The following ZNF362 variants were observed in gnomAD, a reference collection of about 807,000 sequenced individuals.
ZNF362 encodes rotund homolog.
A neutral mutation model predicts 42.9 loss-of-function variants in ZNF362; 11 were observed. The observed-to-expected ratio is 0.26, with a 90% CI of 0.16 to 0.42. The LOEUF is 0.42. Ranked by LOEUF, ZNF362 falls within the 20% of genes least tolerant of loss-of-function variation. ZNF362 has a pLI of 1.00. For synonymous variants in ZNF362, 255 were observed against 257.3 expected (o/e 0.99, Z 0.09); for missense variants, 362 against 576.2 (o/e 0.63, Z 3.81).
chr1:33,181,054 C>G, the ZNF362 span: 4 of 1,596,446 alleles, frequency 2.5e-6, no homozygotes, highest in African/African-American at 1.3e-5. The surrounding 1 kb of genome is among the most constrained non-coding windows in gnomAD (Gnocchi z 6.5). Flanking sequence ...TCGTCGATGC[C>G]GGTGACCTGA....
chr1:33,157,793 G>A, the ZNF362 span, among the ~76,000 whole-genome samples: 1 of 150,148 alleles, frequency 6.7e-6, no homozygotes. Context: ...GTCTTGCTCT[G>A]TTGCCCAGGC....
At chr1:33,148,992 G>A in the ZNF362 span, among the ~76,000 whole-genome samples, 1 of 152,004 alleles carries the variant, frequency 6.6e-6, no homozygotes, top group Non-Finnish European at 1.5e-5. Context: ...CCCCACTTAG[G>A]TCCAAAGCCT....
chr1:33,265,594 G>T (rs1021975438), intron 1 of ZNF362, among the ~76,000 whole-genome samples: 25 of 152,074 alleles, frequency 1.6e-4, no homozygotes, highest in African/African-American at 5.6e-4. Context: ...AGTGGCTGGG[G>T]CTCAGGGTTC....
intron 1 of ZNF362, among the ~76,000 whole-genome samples, chr1:33,257,545 G>T (rs1254241825): frequency 6.6e-6 from 1 of 151,720 alleles, no homozygotes; most frequent in African/African-American, 2.4e-5. Context: ...TTTCCTCAGA[G>T]CTGCGCGGGA....
chr1:33,246,404 T>C, the ZNF362 span, among the ~76,000 whole-genome samples: 4 of 152,142 alleles, frequency 2.6e-5, no homozygotes, highest in Non-Finnish European at 5.9e-5. Flanking sequence ...TGTGACCCGC[T>C]GGTCCCCACC....
chr1:33,165,450 C>T, the ZNF362 span: 1 of 1,567,428 alleles, frequency 6.4e-7, no homozygotes, highest in East Asian at 2.4e-5. This position sits in a 1 kb window ranked among gnomAD's most constrained non-coding sequence, Gnocchi z 4.0. Context: ...GGCCCCACCT[C>T]CGCGCCCCGG....
the ZNF362 span, among the ~76,000 whole-genome samples, chr1:33,247,277 A>G: frequency 1.3e-5 from 2 of 152,264 alleles, no homozygotes; most frequent in African/African-American, 4.8e-5. Context: ...GGGCAGGTCA[A>G]GTATTGACTT....
chr1:33,189,842 C>T, the ZNF362 span, among the ~76,000 whole-genome samples: 26 of 151,300 alleles, frequency 1.7e-4, no homozygotes, highest in Non-Finnish European at 1.2e-4. Context: ...GCTGAGTTTA[C>T]TAATCCCAAT....
At position 33,296,557 on chromosome 1, in the gene ZNF362, G is replaced by T. The variant is rs576881591; in HGVS notation, c.1146+1252G>T. Among the ~76,000 whole-genome samples the T allele has an allele frequency of 4.6e-5, 7 of 152,328 alleles. No homozygotes were observed. In the South Asian group the frequency reaches 8.3e-4, roughly 18 times the overall value. On this transcript the variant is annotated intron_variant, in intron 8 of 8. Transcript: ENST00000539719. ...CAGCAGGGAGGACACAATGGAGCTG[G>T]GAAGGGGGATGAGTCCAGATTGACC...
chr1:33,242,507 A>G, the ZNF362 span, among the ~76,000 whole-genome samples: 3 of 152,182 alleles, frequency 2.0e-5, no homozygotes, highest in African/African-American at 4.8e-5. Flanking sequence ...TAATTTGTCA[A>G]TAATACATAA....
the ZNF362 span, among the ~76,000 whole-genome samples, chr1:33,220,516 C>T: frequency 0.18 from 26,651 of 151,916 alleles, 2,711 homozygotes; most frequent in East Asian, 0.31. Context: ...TTCCTTCAAA[C>T]CCACCCCCCT....
chr1:33,223,893 C>CAAAAAAAA, the ZNF362 span, among the ~76,000 whole-genome samples: 1 of 85,438 alleles, frequency 1.2e-5, no homozygotes. Context: ...AACTCCATCT[C>CAAAAAAAA]AAAAAAAAAA....
At chr1:33,180,824 C>G in the ZNF362 span, among the ~76,000 whole-genome samples, 1 of 151,350 alleles carries the variant, frequency 6.6e-6, no homozygotes, top group Non-Finnish European at 1.5e-5. Context: ...CCCAAGGCCC[C>G]GCCCCCACGG....
At chr1:33,141,181 C>T in the ZNF362 span, among the ~76,000 whole-genome samples, 2 of 152,010 alleles carry the variant, frequency 1.3e-5, no homozygotes, top group East Asian at 3.9e-4. Context: ...CTTCTCCTCT[C>T]GGAGGAGCTG....
the ZNF362 span, among the ~76,000 whole-genome samples, chr1:33,172,983 A>T: frequency 6.6e-6 from 1 of 152,162 alleles, no homozygotes; most frequent in Non-Finnish European, 1.5e-5. Context: ...GCTGCACACA[A>T]TAGGTGCTCA....
upstream of ZNF362, among the ~76,000 whole-genome samples, chr1:33,256,298 G>C (rs1027064377): frequency 2.2e-4 from 31 of 142,868 alleles, no homozygotes; most frequent in Non-Finnish European, 4.2e-4. Flanking sequence ...AGTCGCCAGC[G>C]CCCGGCGCTG....
At chr1:33,276,715 G>A in intron 4 of ZNF362, 121 bp downstream of exon 4, 2 of 1,208,910 alleles carry the variant, frequency 1.7e-6, no homozygotes, top group Non-Finnish European at 2.1e-6. Flanking sequence ...CAGGGCCTAG[G>A]GGTAGGGCAT....
At chr1:33,227,177 C>T in the ZNF362 span, among the ~76,000 whole-genome samples, 5 of 152,072 alleles carry the variant, frequency 3.3e-5, no homozygotes, top group Non-Finnish European at 5.9e-5. Context: ...ATGAGTGAAT[C>T]GTATGGTACG....
At chr1:33,168,202 A>G in the ZNF362 span, among the ~76,000 whole-genome samples, 1 of 152,186 alleles carries the variant, frequency 6.6e-6, no homozygotes, top group African/African-American at 2.4e-5. Context: ...TTGAGAGCCC[A>G]TGCTGATGCA....
Sources: allele counts gnomAD v4.1 joint callset (sites outside exome capture counted in the v4.1 genomes callset), GRCh38; gene constraint gnomAD v4.1.1; non-coding constraint Gnocchi (gnomAD v3.1); transcripts MANE v1.5; gene names NCBI Gene and HGNC (gene_info 2026-07-23, HGNC 2026-07-21).